The following SLC24A3 variants were observed in gnomAD, a reference collection of about 807,000 sequenced individuals.
SLC24A3 encodes the protein solute carrier family 24 member 3, also known as sodium/potassium/calcium exchanger 3.
A neutral mutation model predicts 75.8 loss-of-function variants in SLC24A3; 28 were observed. That is an observed-to-expected ratio of 0.37 (90% CI 0.27 to 0.51). The LOEUF is 0.51. Among genes scored for constraint, SLC24A3 ranks in the 20% least tolerant of loss-of-function variants. The probability of loss-of-function intolerance (pLI) is 0.94; values close to 1 mark genes in which losing one functional copy is unlikely to be tolerated. For missense variants in SLC24A3, 663 were observed against 847.8 expected (o/e 0.78, Z 2.71); for synonymous variants, 372 against 334.1 (o/e 1.11, Z -1.24).
At chr20:19,714,157 C>T (rs867691354) in intron 15 of SLC24A3, among the ~76,000 whole-genome samples, 1 of 152,158 alleles carries the variant, frequency 6.6e-6, no homozygotes, top group Non-Finnish European at 1.5e-5. Flanking sequence ...AATTCCAGCA[C>T]TTTGGGAGGC....
chr20:19,583,875 G>T (rs1357333836), intron 4 of SLC24A3, among the ~76,000 whole-genome samples: 1 of 151,444 alleles, frequency 6.6e-6, no homozygotes, highest in Admixed American at 6.6e-5. Context: ...TCGCTGTCCA[G>T]CCGACAGCGA....
chr20:19,633,782 G>C (rs6112493), intron 6 of SLC24A3, among the ~76,000 whole-genome samples: 1 of 152,182 alleles, frequency 6.6e-6, no homozygotes, highest in East Asian at 1.9e-4. Context: ...CTGAGGTTTA[G>C]GACCACAACT....
intron 6 of SLC24A3, among the ~76,000 whole-genome samples, chr20:19,614,812 A>T (rs1405821927): frequency 6.6e-6 from 1 of 152,226 alleles, no homozygotes; most frequent in African/African-American, 2.4e-5. Flanking sequence ...TGCTAAGAAC[A>T]CTAAGACTGG....
At chr20:19,280,937 G>A (rs1216282297) in intron 1 of SLC24A3, 22 bp from the exon 2 acceptor site, 1 of 1,611,754 alleles carries the variant, frequency 6.2e-7, no homozygotes, top group Non-Finnish European at 8.5e-7. Flanking sequence ...ATGATGTGTG[G>A]TTATTGTCTT....
chr20:19,346,108 T>TATAG (rs1985398237), intron 2 of SLC24A3, among the ~76,000 whole-genome samples: 2 of 45,806 alleles, frequency 4.4e-5, no homozygotes, highest in Non-Finnish European at 6.9e-5. Flanking sequence ...TATATATATA[T>TATAG]GGTGTGTGTG....
chr20:19,291,677 A>G (rs1983945000), intron 2 of SLC24A3, among the ~76,000 whole-genome samples: 1 of 152,228 alleles, frequency 6.6e-6, no homozygotes, highest in Non-Finnish European at 1.5e-5. Flanking sequence ...TCAGAACAAA[A>G]TGGATTTGGG....
intron 1 of SLC24A3, among the ~76,000 whole-genome samples, chr20:19,267,343 A>G (rs567170046): frequency 1.3e-5 from 2 of 152,348 alleles, no homozygotes; most frequent in Admixed American, 6.5e-5. Context: ...GAAGAAAAGC[A>G]CTATGGGCTA....
intron 3 of SLC24A3, among the ~76,000 whole-genome samples, chr20:19,529,721 A>T (rs897228594): frequency 3.9e-5 from 6 of 152,190 alleles, no homozygotes; most frequent in African/African-American, 7.2e-5. Flanking sequence ...ATCCAGGCTC[A>T]TCCCATCCTA....
At chr20:19,416,752 T>G (rs1264686718) in intron 2 of SLC24A3, among the ~76,000 whole-genome samples, 4 of 152,214 alleles carry the variant, frequency 2.6e-5, no homozygotes, top group Non-Finnish European at 5.9e-5. Flanking sequence ...CTCATTCCCT[T>G]GCTTGGTCAT....
At chr20:19,442,375 G>A (rs569499732) in intron 2 of SLC24A3, among the ~76,000 whole-genome samples, 2 of 152,234 alleles carry the variant, frequency 1.3e-5, no homozygotes, top group South Asian at 4.1e-4. Context: ...AGCATTTGGT[G>A]GTGTCAGTCT....
chr20:19,301,851 G>T (rs1006697564), intron 2 of SLC24A3, among the ~76,000 whole-genome samples: 1 of 152,144 alleles, frequency 6.6e-6, no homozygotes, highest in Non-Finnish European at 1.5e-5. Flanking sequence ...CTTGTGAAAA[G>T]ATTGGACCTC....
intron 2 of SLC24A3, among the ~76,000 whole-genome samples, chr20:19,394,869 A>C (rs868177758): frequency 6.6e-6 from 1 of 152,214 alleles, no homozygotes; most frequent in African/African-American, 2.4e-5. Flanking sequence ...ACTTCTAGGT[A>C]TATGCCTGAA....
chr20:19,454,473 A>G (rs753299499), intron 2 of SLC24A3, among the ~76,000 whole-genome samples: 6 of 152,218 alleles, frequency 3.9e-5, no homozygotes, highest in African/African-American at 1.2e-4. Flanking sequence ...TGGATGGTAT[A>G]CAGCTGCTAT....
intron 2 of SLC24A3, chr20:19,284,405 A>T (rs1983752002): frequency 6.5e-6 from 1 of 152,884 alleles, no homozygotes; most frequent in African/African-American, 2.4e-5. Flanking sequence ...ATATAGTGCC[A>T]TCTGCCCTCG....
At chr20:19,300,748 T>C (rs1412147608) in intron 2 of SLC24A3, among the ~76,000 whole-genome samples, 2 of 152,068 alleles carry the variant, frequency 1.3e-5, no homozygotes, top group African/African-American at 4.8e-5. Flanking sequence ...GAGGGGTGTC[T>C]CTCTCTCATT....
intron 1 of SLC24A3, among the ~76,000 whole-genome samples, chr20:19,231,281 C>T (rs1004589386): frequency 3.3e-5 from 5 of 152,142 alleles, no homozygotes; most frequent in South Asian, 2.1e-4. Context: ...ATAGTGCTCC[C>T]GAAGATGTTT....
chr20:19,703,164 G>A (rs1387669444), intron 15 of SLC24A3, among the ~76,000 whole-genome samples: 2 of 152,160 alleles, frequency 1.3e-5, no homozygotes, highest in Non-Finnish European at 1.5e-5. Context: ...CCTTCCTTGA[G>A]AGGGCATTTA....
At chr20:19,236,982 A>G (rs1459614490) in intron 1 of SLC24A3, among the ~76,000 whole-genome samples, 2 of 152,152 alleles carry the variant, frequency 1.3e-5, no homozygotes, top group African/African-American at 2.4e-5. Context: ...CCAAGGAACT[A>G]CCTAAGCTCT....
chr20:19,558,016 T>C (rs541432802), intron 3 of SLC24A3, among the ~76,000 whole-genome samples: 1 of 152,226 alleles, frequency 6.6e-6, no homozygotes, highest in African/African-American at 2.4e-5. Flanking sequence ...TGGATGATGT[T>C]AAAATAGAAC....
Sources: allele counts gnomAD v4.1 joint callset (sites outside exome capture counted in the v4.1 genomes callset), GRCh38; gene constraint gnomAD v4.1.1; transcripts MANE v1.5; gene names NCBI Gene and HGNC (gene_info 2026-07-23, HGNC 2026-07-21).